The following SMARCA2 variants were observed in gnomAD, a reference collection of about 807,000 sequenced individuals.
The protein encoded by SMARCA2 is SWI/SNF-related matrix-associated actin-dependent regulator of chromatin subfamily A member 2.
In SMARCA2, 61 loss-of-function variants were observed where a neutral mutation model predicts 199.8. The observed-to-expected ratio is 0.31, with a 90% CI of 0.25 to 0.38. The LOEUF is 0.38. Ranked by LOEUF, SMARCA2 falls within the 10% of genes least tolerant of loss-of-function variation. The probability of loss-of-function intolerance (pLI) is 1.00; values close to 1 mark genes in which losing one functional copy is unlikely to be tolerated. For synonymous variants in SMARCA2, 935 were observed against 732.0 expected, an observed-to-expected ratio of 1.28 and a Z score of -4.48; for missense variants, 1,344 against 2,012.2, an observed-to-expected ratio of 0.67 and a Z score of 6.35.
chr9:2,064,993 G>T (rs1024222419), intron 9 of SMARCA2, among the ~76,000 whole-genome samples: 7 of 152,154 alleles, frequency 4.6e-5, no homozygotes, highest in Admixed American at 2.0e-4. Flanking sequence ...GACCATCCTG[G>T]CTAACATGTT....
At chr9:2,060,754 G>A in intron 8 of SMARCA2, 62 bp from the exon 9 acceptor site, 2 of 1,486,834 alleles carry the variant, frequency 1.3e-6, no homozygotes, top group Non-Finnish European at 9.3e-7. Context: ...AGGACAGAGT[G>A]GAGAGTGGAG....
chr9:2,170,365 C>A lies in SMARCA2; in HGVS notation c.4200-54C>A. ...CCCAGCCTAGGAAGAAGGAGCCGGG[C>A]GGGGACGAGAACCCAGGTCTTCTGA... On this transcript the variant is annotated intron_variant, in intron 28 of 33. Coordinates refer to ENST00000349721, the MANE Select transcript of SMARCA2 (RefSeq NM_003070.5). The surrounding 1 kb of genome is among the most constrained non-coding windows in gnomAD (Gnocchi z 4.7). 1 of 1,610,212 alleles carries A rather than the reference C, an allele frequency of 6.2e-7. No homozygotes were observed.
intron 3 of SMARCA2, among the ~76,000 whole-genome samples, chr9:2,037,987 T>A (rs1297917695): frequency 6.6e-6 from 1 of 152,196 alleles, no homozygotes; most frequent in African/African-American, 2.4e-5. Flanking sequence ...TTTTTGTGCA[T>A]TTTGATTTTT....
Position 2,170,278 on chromosome 9 carries a change from TA to T in SMARCA2, c.4200-139del. The T allele has an allele frequency of 1.0e-6, 1 of 990,076 alleles. No individual in the cohort carries two copies. The highest frequency in any genetic ancestry group is 1.5e-6 in the Non-Finnish European group (1 of 675,338). 61.3% of individuals were successfully genotyped at this position (990,076 alleles called of 1,614,324 possible). On this transcript the variant is annotated intron_variant, in intron 28 of 33. Coordinates refer to ENST00000349721, the MANE Select transcript of SMARCA2 (RefSeq NM_003070.5). This position sits in a 1 kb window ranked among gnomAD's most constrained non-coding sequence, Gnocchi z 4.7. ...ATTTTTCCGAATGAGGTTCCAAACA[TA>T]ACCCCGTGTAATCTTCCTAACAAGG...
intron 22 of SMARCA2, among the ~76,000 whole-genome samples, 171 bp downstream of exon 22, chr9:2,101,787 A>C (rs1822528310): frequency 6.6e-6 from 1 of 152,226 alleles, no homozygotes; most frequent in African/African-American, 2.4e-5. Context: ...CTTTACTGGC[A>C]TAAATTATTA....
At chr9:2,163,216 G>T (rs369154013) in intron 28 of SMARCA2, among the ~76,000 whole-genome samples, 12 of 152,288 alleles carry the variant, frequency 7.9e-5, no homozygotes, top group Non-Finnish European at 1.8e-4. Flanking sequence ...TTGTCAAAAG[G>T]CCAGAAATTC....
At chr9:2,120,288 C>A (rs1823400092) in intron 26 of SMARCA2, among the ~76,000 whole-genome samples, 1 of 152,142 alleles carries the variant, frequency 6.6e-6, no homozygotes, top group African/African-American at 2.4e-5. Context: ...AATTTGAGTG[C>A]CATCAGATCT....
chr9:2,130,916 C>T (rs190903686), intron 27 of SMARCA2, among the ~76,000 whole-genome samples: 3 of 152,206 alleles, frequency 2.0e-5, no homozygotes, highest in Admixed American at 6.5e-5. Flanking sequence ...TTTCTAGCAC[C>T]GTAAGGCAGT....
rs577832471 is a variant in SMARCA2 at position 2,114,611 on chromosome 9, A to G, written c.3457-1211A>G. ...CAGCTCAGATAACATCACCTGGACC[A>G]CAATGAATAAAAGCCACATGCCAAG... On this transcript the variant is annotated intron_variant, in intron 24 of 33. Transcript: ENST00000349721. 1.1e-4 allele frequency among the ~76,000 whole-genome samples: 17 copies of G among 152,356 alleles called. No individual in the cohort carries two copies. The South Asian group carries it at 3.5e-3, about 32-fold the overall frequency.
Position 2,110,083 on chromosome 9 carries a change from T to G in SMARCA2, c.3293-171T>G, listed in dbSNP as rs867406514. 6.6e-6 allele frequency among the ~76,000 whole-genome samples: 1 copy of G among 152,224 alleles called. No individual in the cohort carries two copies. Among genetic ancestry groups the G allele is most frequent in the African/African-American group, 2.4e-5 (1 of 41,452 alleles). On this transcript the variant is annotated intron_variant, in intron 23 of 33. Coordinates refer to ENST00000349721, the MANE Select transcript of SMARCA2 (RefSeq NM_003070.5). The surrounding 1 kb of genome is among the most constrained non-coding windows in gnomAD (Gnocchi z 4.8). The stretch of plus-strand genomic sequence containing the variant: ...GCTGTTTCTTTCTTTTTTTTTGTAA[T>G]TGCAAAATGTTCAAAGTTTTTTATC...
intron 14 of SMARCA2, among the ~76,000 whole-genome samples, chr9:2,078,585 A>G (rs1010888830): frequency 2.0e-5 from 3 of 152,132 alleles, no homozygotes; most frequent in Non-Finnish European, 4.4e-5. Context: ...TCTACCTTCT[A>G]CCACTTAGTG....
At chr9:2,051,210 G>A (rs571909991) in intron 5 of SMARCA2, among the ~76,000 whole-genome samples, 101 of 152,324 alleles carry the variant, frequency 6.6e-4, no homozygotes, top group Middle Eastern at 3.4e-3. Context: ...TCCCCACCAT[G>A]TGCTGAATCA....
intron 15 of SMARCA2, 131 bp from the exon 16 acceptor site, chr9:2,083,216 A>G (rs1208583494): frequency 1.0e-5 from 5 of 498,222 alleles, no homozygotes; most frequent in South Asian, 7.7e-5. Context: ...TAAAATAAAT[A>G]TCTTGTTGAG....
chr9:2,099,904 T>A (rs1822435961), intron 21 of SMARCA2, among the ~76,000 whole-genome samples: 1 of 152,154 alleles, frequency 6.6e-6, no homozygotes, highest in Admixed American at 6.5e-5. Flanking sequence ...ACAATCCTGC[T>A]TGGAGACAGG....
intron 27 of SMARCA2, among the ~76,000 whole-genome samples, chr9:2,152,676 A>AC (rs748421899): frequency 1.3e-5 from 2 of 152,050 alleles, no homozygotes; most frequent in Non-Finnish European, 2.9e-5. Flanking sequence ...ACATGGCAAA[A>AC]CCCCATCTCT....
chr9:2,165,897 A>G (rs1165926183), intron 28 of SMARCA2, among the ~76,000 whole-genome samples: 3 of 152,214 alleles, frequency 2.0e-5, no homozygotes, highest in African/African-American at 7.2e-5. Flanking sequence ...CCAACTTCCC[A>G]CAATACAAGT....
chr9:2,176,770 C>T (rs1021875547), intron 29 of SMARCA2, among the ~76,000 whole-genome samples: 1 of 151,186 alleles, frequency 6.6e-6, no homozygotes, highest in Non-Finnish European at 1.5e-5. Context: ...GTTGTCTGTG[C>T]TGGTCTTGAA....
intron 1 of SMARCA2, among the ~76,000 whole-genome samples, chr9:2,023,489 T>G (rs1463444711): frequency 6.6e-6 from 1 of 152,186 alleles, no homozygotes; most frequent in Non-Finnish European, 1.5e-5. Flanking sequence ...AGAAATGTTC[T>G]CAGTGATTTT....
rs1822962151 is a variant in SMARCA2 at position 2,110,858 on chromosome 9, G to A, written c.3456+441G>A. On this transcript the variant is annotated intron_variant, in intron 24 of 33. Transcript: ENST00000349721. The surrounding 1 kb of genome is among the most constrained non-coding windows in gnomAD (Gnocchi z 4.8). Reference sequence around the variant, plus strand: ...ATATGATTTGAATCTTTGCAGTCAAGGAAACTGAATCCTAGGCAGGGTAAG... The same window carrying A: ...ATATGATTTGAATCTTTGCAGTCAAAGAAACTGAATCCTAGGCAGGGTAAG... 6.6e-6 allele frequency among the ~76,000 whole-genome samples: 1 copy of A among 152,124 alleles called. No individual in the cohort carries two copies. Among genetic ancestry groups the A allele is most frequent in the African/African-American group, 2.4e-5 (1 of 41,414 alleles).
Sources: gnomAD v4.1 joint callset for allele counts (sites outside exome capture counted in the v4.1 genomes callset) on GRCh38, gnomAD v4.1.1 for gene constraint, Gnocchi (gnomAD v3.1) non-coding constraint, MANE v1.5 for transcripts, NCBI Gene and HGNC (gene_info 2026-07-23, HGNC 2026-07-21) for gene names.